Variants in SNAPC3 observed in about 807,000 individuals in gnomAD.
SNAPC3 encodes the protein snRNA-activating protein complex subunit 3.
SNAPC3 carries 56 observed loss-of-function variants against 47.7 expected under a neutral mutation model. The observed-to-expected ratio is 1.18, with a 90% CI of 0.95 to 1.47. The LOEUF is 1.47. SNAPC3 is among the 40% of genes most tolerant of loss of function. SNAPC3 has a pLI of 0.00. For missense variants in SNAPC3, 665 were observed against 511.3 expected, an observed-to-expected ratio of 1.30 and a Z score of -2.90; for synonymous variants, 235 against 189.9, an observed-to-expected ratio of 1.24 and a Z score of -1.95.
Position 15,423,051 on chromosome 9 carries a change from G to C in SNAPC3, c.172G>C (p.Ala58Pro). 6.6e-7 allele frequency: 1 copy of C among 1,518,154 alleles called. No homozygotes were observed. The highest frequency in any genetic ancestry group is 2.6e-5 in the East Asian group (1 of 39,036). 94.0% of individuals were successfully genotyped at this position (1,518,154 alleles called of 1,614,324 possible). ...GCTGTGGCGGGGCCGTCTGCGCGGGGCCGGGGACTTGTCGCTGAGGGAGCC... is the reference window on the plus strand; with the variant it reads ...GCTGTGGCGGGGCCGTCTGCGCGGGCCCGGGGACTTGTCGCTGAGGGAGCC... ...GELWRGRLRG[A>P]GDLSLREPPA... Residue 58 changes from alanine to proline, a missense_variant, in exon 1 of 9, where the codon GCC becomes CCC. Coordinates refer to ENST00000380821, the MANE Select transcript of SNAPC3 (RefSeq NM_001039697.2).
rs796568913 is a variant in SNAPC3 at position 15,446,987 on chromosome 9, A to G, written c.583-108A>G. 5.3e-6 allele frequency: 5 copies of G among 947,800 alleles called. No individual in the cohort carries two copies. The African/African-American group carries it at 6.5e-5, about 12-fold the overall frequency. 58.7% of individuals were successfully genotyped at this position (947,800 alleles called of 1,614,324 possible). On this transcript the variant is annotated intron_variant, in intron 4 of 8. Transcript: ENST00000380821. ...TACAGAGCATCAAGTTATGGGGACA[A>G]TTTAAAATTAAGAAAACCAGCAATT...
intron 2 of SNAPC3, among the ~76,000 whole-genome samples, chr9:15,424,405 A>G (rs2031057756): frequency 6.6e-6 from 1 of 152,204 alleles, no homozygotes; most frequent in South Asian, 2.1e-4. Context: ...GGCAACCTAA[A>G]TACTCTGACA....
chr9:15,465,634 G>T, downstream of SNAPC3: 1 of 1,398,568 alleles, frequency 7.2e-7, no homozygotes, highest in Non-Finnish European at 9.9e-7. Flanking sequence ...CCTGATGAAG[G>T]AAAAAAAGAC....
downstream of SNAPC3, chr9:15,464,139 A>AAGTT: frequency 5.5e-6 from 1 of 183,458 alleles, no homozygotes; most frequent in Non-Finnish European, 1.2e-5. Flanking sequence ...AAATCTAAGT[A>AAGTT]AGTTAAAACT....
chr9:15,441,378 C>CTTTTTTT (rs1351664407), intron 3 of SNAPC3, among the ~76,000 whole-genome samples: 1 of 40,506 alleles, frequency 2.5e-5, no homozygotes, highest in African/African-American at 7.6e-5. Flanking sequence ...CAAGAGTTCC[C>CTTTTTTT]TTTTCTTTTT....
At chr9:15,442,759 C>G (rs2033587639) in intron 3 of SNAPC3, among the ~76,000 whole-genome samples, 1 of 152,200 alleles carries the variant, frequency 6.6e-6, no homozygotes, top group Non-Finnish European at 1.5e-5. Flanking sequence ...CTTCACTTGC[C>G]AGACGGGGTG....
chr9:15,457,473 T>TA (rs2034881898), intron 7 of SNAPC3, among the ~76,000 whole-genome samples: 1 of 152,124 alleles, frequency 6.6e-6, no homozygotes, highest in Admixed American at 6.6e-5. Flanking sequence ...TGCATGCTTG[T>TA]AGTCCCAACT....
chr9:15,443,598 A>C (rs1288964162), intron 3 of SNAPC3, among the ~76,000 whole-genome samples: 1 of 152,238 alleles, frequency 6.6e-6, no homozygotes, highest in Non-Finnish European at 1.5e-5. Context: ...GAAAAAAAGC[A>C]TCTTGTCTGT....
chr9:15,455,532 A>T (rs1171253109), intron 7 of SNAPC3, among the ~76,000 whole-genome samples: 1 of 152,024 alleles, frequency 6.6e-6, no homozygotes, highest in Non-Finnish European at 1.5e-5. Flanking sequence ...GTGCCATTGC[A>T]CTCCATCCTG....
At chr9:15,436,402 GCTGT>G (rs1239859277) in intron 3 of SNAPC3, among the ~76,000 whole-genome samples, 11 of 152,264 alleles carry the variant, frequency 7.2e-5, no homozygotes, top group Middle Eastern at 3.4e-3. Context: ...TTTGCATATA[GCTGT>G]CTATTTTTTG....
intron 3 of SNAPC3, among the ~76,000 whole-genome samples, chr9:15,441,398 T>TTTTC (rs2033361437): frequency 7.7e-6 from 1 of 129,192 alleles, no homozygotes; most frequent in Non-Finnish European, 1.7e-5. Flanking sequence ...TTTTTTTTTT[T>TTTTC]TTTTTTTTTA....
At chr9:15,457,924 G>C (rs763500469) in intron 7 of SNAPC3, 36 bp from the exon 8 acceptor site, 2 of 1,253,106 alleles carry the variant, frequency 1.6e-6, no homozygotes, top group South Asian at 2.7e-5. Flanking sequence ...CTTAATATTT[G>C]TCACCTTAAT....
chr9:15,442,230 C>T (rs1380820437), intron 3 of SNAPC3, among the ~76,000 whole-genome samples: 2 of 143,564 alleles, frequency 1.4e-5, no homozygotes, highest in East Asian at 2.1e-4. Context: ...CGGGACGGGG[C>T]GGCTGGCCGG....
chr9:15,442,066 C>A (rs1321493331), intron 3 of SNAPC3, among the ~76,000 whole-genome samples: 2 of 150,082 alleles, frequency 1.3e-5, no homozygotes, highest in East Asian at 2.0e-4. Flanking sequence ...GCAGGGGCTG[C>A]CCCCCAACCT....
chr9:15,450,021 C>T (rs144310349), intron 5 of SNAPC3, among the ~76,000 whole-genome samples: 1 of 152,062 alleles, frequency 6.6e-6, no homozygotes, highest in Admixed American at 6.6e-5. Context: ...TATTAAACTT[C>T]ATTTTGTTTC....
At chr9:15,444,455 A>G (rs2033762452) in intron 3 of SNAPC3, 147 bp from the exon 4 acceptor site, 7 of 572,880 alleles carry the variant, frequency 1.2e-5, no homozygotes, top group Non-Finnish European at 1.9e-5. Flanking sequence ...ACTAAAGCTT[A>G]GAGATGTCTT....
chr9:15,436,904 A>C (rs1254076500), intron 3 of SNAPC3, among the ~76,000 whole-genome samples: 1 of 149,722 alleles, frequency 6.7e-6, no homozygotes, highest in Admixed American at 6.7e-5. Context: ...GCTCACCGCA[A>C]CCTTCGCCTC....
chr9:15,454,525 C>G (rs935667466), intron 7 of SNAPC3, among the ~76,000 whole-genome samples: 6 of 152,144 alleles, frequency 3.9e-5, no homozygotes. Context: ...GGGTCTGGAG[C>G]CAGGAGCATA....
intron 3 of SNAPC3, among the ~76,000 whole-genome samples, chr9:15,440,024 T>A (rs1490372274): frequency 6.6e-6 from 1 of 152,262 alleles, no homozygotes; most frequent in Non-Finnish European, 1.5e-5. Context: ...GTTGAACATT[T>A]GTGTCAGTTT....
Sources: allele counts gnomAD v4.1 joint callset (sites outside exome capture counted in the v4.1 genomes callset), GRCh38; gene constraint gnomAD v4.1.1; transcripts MANE v1.5; gene names NCBI Gene and HGNC (gene_info 2026-07-23, HGNC 2026-07-21).